The following CSMD1 variants were observed in gnomAD, a reference collection of about 807,000 sequenced individuals.
CSMD1 encodes the protein CUB and sushi domain-containing protein 1.
CSMD1 carries 213 observed loss-of-function variants against 417.5 expected under a neutral mutation model. The observed-to-expected ratio is 0.51, with a 90% CI of 0.46 to 0.57. CSMD1 has a LOEUF of 0.57. Ranked by LOEUF, CSMD1 falls within the 20% of genes least tolerant of loss-of-function variation. The pLI is 0.00. For missense variants in CSMD1, 6,923 were observed against 4,529.7 expected (o/e 1.53, Z -15.17); for synonymous variants, 2,862 against 1,736.8 (o/e 1.65, Z -16.11).
At chr8:3,932,865 A>G (rs1277543187) in intron 5 of CSMD1, among the ~76,000 whole-genome samples, 1 of 150,452 alleles carries the variant, frequency 6.6e-6, no homozygotes, top group Non-Finnish European at 1.5e-5. Flanking sequence ...ACTATTGTGT[A>G]AAGTTAAATG....
At chr8:3,271,373 A>G (rs1332626669) in intron 26 of CSMD1, among the ~76,000 whole-genome samples, 6 of 151,920 alleles carry the variant, frequency 3.9e-5, no homozygotes, top group East Asian at 3.9e-4. Flanking sequence ...ATTGTGAATA[A>G]TGCCACAATA....
chr8:3,477,762 T>C (rs751706173), intron 11 of CSMD1, among the ~76,000 whole-genome samples: 6 of 152,138 alleles, frequency 3.9e-5, no homozygotes, highest in South Asian at 4.1e-4. Flanking sequence ...AGATACAGTA[T>C]TGAGGAGGTA....
intron 3 of CSMD1, among the ~76,000 whole-genome samples, chr8:4,324,459 C>G (rs1342150128): frequency 6.6e-6 from 1 of 152,170 alleles, no homozygotes; most frequent in East Asian, 1.9e-4. Flanking sequence ...CACAGCAAAC[C>G]AAGCTTCTTT....
intron 8 of CSMD1, among the ~76,000 whole-genome samples, chr8:3,587,116 C>A (rs1584926497): frequency 6.6e-6 from 1 of 152,214 alleles, no homozygotes; most frequent in East Asian, 1.9e-4. Context: ...TAGAAGAAAG[C>A]AATCCATCCA....
intron 2 of CSMD1, among the ~76,000 whole-genome samples, chr8:4,441,588 T>A (rs1342840130): frequency 6.6e-6 from 1 of 152,132 alleles, no homozygotes; most frequent in African/African-American, 2.4e-5. Context: ...ACATTTTATG[T>A]TCAATACATT....
intron 49 of CSMD1, among the ~76,000 whole-genome samples, chr8:3,086,809 A>C (rs987711295): frequency 6.6e-6 from 1 of 152,216 alleles, no homozygotes; most frequent in Non-Finnish European, 1.5e-5. Context: ...ATTATTTTGA[A>C]TCTTAAATTG....
intron 7 of CSMD1, among the ~76,000 whole-genome samples, chr8:3,688,506 T>C (rs1053141139): frequency 6.6e-6 from 1 of 152,210 alleles, no homozygotes; most frequent in East Asian, 1.9e-4. Context: ...GTAGTTATAA[T>C]GAAAAGTTAC....
At chr8:4,558,837 C>T (rs1798206347) in intron 2 of CSMD1, among the ~76,000 whole-genome samples, 1 of 152,112 alleles carries the variant, frequency 6.6e-6, no homozygotes, top group Non-Finnish European at 1.5e-5. Flanking sequence ...CACTGCACTC[C>T]AGACTGGGCA....
chr8:3,958,845 G>C (rs566434568), intron 5 of CSMD1, among the ~76,000 whole-genome samples: 2 of 152,288 alleles, frequency 1.3e-5, no homozygotes, highest in African/African-American at 2.4e-5. Flanking sequence ...TTGTGTAGTA[G>C]GTGAAGTGTA....
chr8:3,657,928 T>A (rs1200843448), intron 7 of CSMD1, among the ~76,000 whole-genome samples: 2 of 152,172 alleles, frequency 1.3e-5, no homozygotes, highest in African/African-American at 4.8e-5. Context: ...TTCCTTTTTC[T>A]GATGGGGAGG....
At chr8:4,443,166 A>G (rs1426464128) in intron 2 of CSMD1, among the ~76,000 whole-genome samples, 2 of 152,224 alleles carry the variant, frequency 1.3e-5, no homozygotes, top group Non-Finnish European at 2.9e-5. Flanking sequence ...TTTAAATGGT[A>G]GAATTCTTAC....
Position 3,199,809 on chromosome 8 carries a change from C to T in CSMD1, c.5099G>A (p.Gly1700Glu), listed in dbSNP as rs757400513. Residue 1700 changes from glycine (G) to glutamate (E), a missense_variant and splice_region_variant, in exon 33 of 70, where the codon GGG becomes GAG. Transcript: ENST00000635120. Reference sequence around the variant, plus strand: ...TGACGTAGCCAAGGGCAATGTTTCCCCTAGAAACGAAAACAGAGACAGATT... The same window carrying T: ...TGACGTAGCCAAGGGCAATGTTTCCTCTAGAAACGAAAACAGAGACAGATT... ...LLSSLSGSHS[G>E]ETLPLATSNQ... 1 of 1,562,344 alleles carries T rather than the reference C, an allele frequency of 6.4e-7. No homozygotes were observed. Among genetic ancestry groups the T allele is most frequent in the South Asian group, 1.2e-5 (1 of 84,692 alleles).
intron 3 of CSMD1, among the ~76,000 whole-genome samples, chr8:4,127,651 C>A (rs562497395): frequency 6.6e-5 from 10 of 152,088 alleles, no homozygotes; most frequent in African/African-American, 2.2e-4. Context: ...CCACTCACCC[C>A]CTTTACTTAG....
At chr8:3,942,301 C>T (rs1810936817) in intron 5 of CSMD1, among the ~76,000 whole-genome samples, 1 of 152,092 alleles carries the variant, frequency 6.6e-6, no homozygotes, top group South Asian at 2.1e-4. Context: ...AAACCAATCC[C>T]TCCTCTTCCA....
chr8:4,130,623 T>C (rs1014816432), intron 3 of CSMD1, among the ~76,000 whole-genome samples: 1 of 152,172 alleles, frequency 6.6e-6, no homozygotes, highest in African/African-American at 2.4e-5. Context: ...TTCTACCATT[T>C]AATTTGTCCT....
At chr8:3,404,555 T>C (rs2593615) in intron 15 of CSMD1, among the ~76,000 whole-genome samples, 142,456 of 151,940 alleles carry the variant, frequency 0.94, 66,799 homozygotes, top group East Asian at 0.96. Context: ...GTATTTTAGA[T>C]AGGGCAGAAA....
chr8:4,478,111 G>T (rs889356560), intron 2 of CSMD1, among the ~76,000 whole-genome samples: 1 of 152,052 alleles, frequency 6.6e-6, no homozygotes, highest in Non-Finnish European at 1.5e-5. Flanking sequence ...CCTACCCCTG[G>T]CTGTTACGTT....
chr8:4,417,780 T>C (rs1217384047), intron 3 of CSMD1, among the ~76,000 whole-genome samples: 1 of 152,044 alleles, frequency 6.6e-6, no homozygotes, highest in Non-Finnish European at 1.5e-5. Flanking sequence ...TCATTAATTC[T>C]ACTTCATATA....
intron 25 of CSMD1, among the ~76,000 whole-genome samples, chr8:3,287,485 T>G (rs6992226): frequency 0.41 from 58,880 of 142,700 alleles, 9,928 homozygotes; most frequent in Middle Eastern, 0.56. Flanking sequence ...CCTTGAGCAG[T>G]GGTTTGTAGT....
Sources: allele counts gnomAD v4.1 joint callset (sites outside exome capture counted in the v4.1 genomes callset), GRCh38; gene constraint gnomAD v4.1.1; transcripts MANE v1.5; gene names NCBI Gene and HGNC (gene_info 2026-07-23, HGNC 2026-07-21).